Variants in MAPKAP1 observed in about 807,000 individuals in gnomAD.
MAPKAP1 encodes the protein target of rapamycin complex 2 subunit MAPKAP1.
A neutral mutation model predicts 65.7 loss-of-function variants in MAPKAP1; 20 were observed. The ratio of observed to expected loss-of-function variants is 0.30; its 90% CI spans 0.21 to 0.44. MAPKAP1 has a LOEUF of 0.44. Ranked by LOEUF, MAPKAP1 falls within the 20% of genes least tolerant of loss-of-function variation. MAPKAP1 has a pLI of 1.00. For missense variants in MAPKAP1, 423 were observed against 648.0 expected, an observed-to-expected ratio of 0.65 and a Z score of 3.77; for synonymous variants, 222 against 244.3, an observed-to-expected ratio of 0.91 and a Z score of 0.85.
At chr9:125,487,123 G>GTT (rs933003665) in intron 8 of MAPKAP1, among the ~76,000 whole-genome samples, 20 of 152,116 alleles carry the variant, frequency 1.3e-4, no homozygotes, top group African/African-American at 4.6e-4. Context: ...GGAAGGTGAG[G>GTT]GTCAAAGAGA....
chr9:125,657,558 C>A, intron 4 of MAPKAP1, 93 bp downstream of exon 4: 2 of 1,153,048 alleles, frequency 1.7e-6, no homozygotes, highest in Non-Finnish European at 2.5e-6. Flanking sequence ...TTCTACAAAG[C>A]ATTTCTGAAA....
chr9:125,585,890 A>AT (rs921368189), intron 4 of MAPKAP1, among the ~76,000 whole-genome samples, 163 bp from the exon 5 acceptor site: 4 of 151,990 alleles, frequency 2.6e-5, no homozygotes, highest in African/African-American at 9.7e-5. Context: ...AGTTTCAAGG[A>AT]TTTTTTTTCC....
intron 3 of MAPKAP1, 40 bp downstream of exon 3, chr9:125,669,778 T>C (rs755527187): frequency 9.1e-6 from 10 of 1,093,362 alleles, no homozygotes; most frequent in Admixed American, 8.5e-5. Context: ...AAACTAAATA[T>C]ATAAATCTCA....
At chr9:125,701,416 T>G (rs1375868294) in intron 1 of MAPKAP1, among the ~76,000 whole-genome samples, 3 of 152,218 alleles carry the variant, frequency 2.0e-5, no homozygotes, top group African/African-American at 7.2e-5. Context: ...CGAGGATTTG[T>G]AAGTGACGTG....
chr9:125,482,945 T>C (rs1010968973), intron 9 of MAPKAP1, among the ~76,000 whole-genome samples: 3 of 152,104 alleles, frequency 2.0e-5, no homozygotes, highest in Admixed American at 6.5e-5. Context: ...ATCCTCACAG[T>C]TGAAAAATTA....
chr9:125,601,952 C>T (rs2131612037), intron 4 of MAPKAP1, among the ~76,000 whole-genome samples: 1 of 152,310 alleles, frequency 6.6e-6, no homozygotes, highest in East Asian at 1.9e-4. Flanking sequence ...GCATTTAACA[C>T]AGTTTGCAAA....
chr9:125,527,846 T>C (rs1198958208), intron 7 of MAPKAP1, among the ~76,000 whole-genome samples: 2 of 152,208 alleles, frequency 1.3e-5, no homozygotes, highest in Non-Finnish European at 2.9e-5. Context: ...TCAACGGATA[T>C]GCATCGCCTT....
At chr9:125,553,126 C>T (rs751919831) in intron 6 of MAPKAP1, among the ~76,000 whole-genome samples, 15 of 152,110 alleles carry the variant, frequency 9.9e-5, no homozygotes, top group Non-Finnish European at 1.8e-4. Context: ...GGCCCCTCCT[C>T]ACTCCTCATC....
intron 8 of MAPKAP1, among the ~76,000 whole-genome samples, chr9:125,492,917 G>A (rs944712860): frequency 1.3e-5 from 2 of 152,198 alleles, no homozygotes; most frequent in Admixed American, 1.3e-4. Flanking sequence ...CTGTGCTAGT[G>A]CTTCCGGAAT....
At chr9:125,693,844 C>CAT (rs140049996) in intron 1 of MAPKAP1, among the ~76,000 whole-genome samples, 4,631 of 133,334 alleles carry the variant, frequency 0.035, 311 homozygotes, top group African/African-American at 0.14. Context: ...TATATACACA[C>CAT]ATACACACAC....
intron 1 of MAPKAP1, among the ~76,000 whole-genome samples, chr9:125,697,266 T>C (rs1215510546): frequency 6.6e-6 from 1 of 152,222 alleles, no homozygotes; most frequent in Non-Finnish European, 1.5e-5. Flanking sequence ...TCACCTGCAT[T>C]AGTGAAAACT....
Position 125,541,583 on chromosome 9 carries a change from C to A in MAPKAP1, c.958+1476G>T, listed in dbSNP as rs117963487. Among the ~76,000 whole-genome samples the A allele has an allele frequency of 6.6e-5, 10 of 152,298 alleles. No individual in the cohort carries two copies. The East Asian group carries it at 1.2e-3, about 18-fold the overall frequency. ...TGTTTAAAAGCTATTAGATTGGCACCTGGAACCCCAAAATATCCACTTTTC... is the reference window on the plus strand; with the variant it reads ...TGTTTAAAAGCTATTAGATTGGCACATGGAACCCCAAAATATCCACTTTTC... On this transcript the variant is annotated intron_variant, in intron 7 of 11. Coordinates refer to ENST00000265960, the MANE Select transcript of MAPKAP1 (RefSeq NM_001006617.3).
At chr9:125,620,380 G>A (rs1832861458) in intron 4 of MAPKAP1, among the ~76,000 whole-genome samples, 2 of 152,228 alleles carry the variant, frequency 1.3e-5, no homozygotes, top group Admixed American at 1.3e-4. Flanking sequence ...CAAGGCTATG[G>A]AGAAACAGGC....
intron 11 of MAPKAP1, among the ~76,000 whole-genome samples, chr9:125,443,701 C>G (rs796419495): frequency 1.2e-4 from 17 of 143,444 alleles, no homozygotes; most frequent in South Asian, 7.0e-4. Flanking sequence ...CGCCAGCTCC[C>G]CCAGCCCCCC....
chr9:125,447,492 G>C lies in MAPKAP1; in HGVS notation c.1346-2894C>G, dbSNP rs1027677222. ...CAAGGAGTGATGAGCGGAACCCTGG[G>C]GGGCAAGGGCAGGTTAAGATCAGCA... On this transcript the variant is annotated intron_variant, in intron 10 of 11. Coordinates refer to ENST00000265960, the MANE Select transcript of MAPKAP1 (RefSeq NM_001006617.3). This position sits in a 1 kb window ranked among gnomAD's most constrained non-coding sequence, Gnocchi z 4.5. 2 of 456,590 alleles carry C rather than the reference G, an allele frequency of 4.4e-6. No homozygotes were observed. The highest frequency in any genetic ancestry group is 8.8e-6 in the Non-Finnish European group (2 of 226,966). 28.3% of individuals were successfully genotyped at this position (456,590 alleles called of 1,614,324 possible).
At position 125,658,487 on chromosome 9, in the gene MAPKAP1, C is replaced by T. The variant is rs139754243; in HGVS notation, c.350-688G>A. 9.3e-4 allele frequency among the ~76,000 whole-genome samples: 142 copies of T among 152,228 alleles called. 1 individual carries two copies. Among genetic ancestry groups the T allele is most frequent in the Non-Finnish European group, 1.9e-3 (126 of 68,018 alleles). ...GATACTAGCGTTATCTCAGATTTGT[C>T]AATGTGGAAACAAGCTTAGAATATT... is the stretch of plus-strand genomic sequence containing the variant. On this transcript the variant is annotated intron_variant, in intron 3 of 11. Coordinates refer to ENST00000265960, the MANE Select transcript of MAPKAP1 (RefSeq NM_001006617.3).
intron 4 of MAPKAP1, among the ~76,000 whole-genome samples, chr9:125,633,672 TA>T (rs1245213667): frequency 1.3e-5 from 2 of 152,174 alleles, no homozygotes; most frequent in African/African-American, 2.4e-5. Flanking sequence ...TCAGTTAAAT[TA>T]AACCTGTATT....
chr9:125,595,907 C>A lies in MAPKAP1; in HGVS notation c.499-10180G>T, dbSNP rs1401433704. The A allele has an allele frequency of 4.1e-5, 51 of 1,253,086 alleles. No individual in the cohort carries two copies. Among genetic ancestry groups the A allele is most frequent in the Non-Finnish European group, 5.3e-5 (46 of 866,236 alleles). The allele number at this position is 1,253,086 out of a possible 1,614,324, so 77.6% of individuals were successfully genotyped here. On this transcript the variant is annotated intron_variant, in intron 4 of 11. Transcript: ENST00000265960. The surrounding 1 kb of genome is among the most constrained non-coding windows in gnomAD (Gnocchi z 4.0). ...GAATGCAAGGCCACACAAGGTGGAT[C>A]GGAGTTGTGGAACCAAAGAGAGCTG... is the stretch of plus-strand genomic sequence containing the variant.
At chr9:125,589,286 G>A (rs1340754051) in intron 4 of MAPKAP1, among the ~76,000 whole-genome samples, 3 of 152,182 alleles carry the variant, frequency 2.0e-5, no homozygotes, top group African/African-American at 7.2e-5. Context: ...CAATTGAGAT[G>A]ATTTATTTAT....
Sources: allele counts gnomAD v4.1 joint callset (sites outside exome capture counted in the v4.1 genomes callset), GRCh38; gene constraint gnomAD v4.1.1; non-coding constraint Gnocchi (gnomAD v3.1); transcripts MANE v1.5; gene names NCBI Gene and HGNC (gene_info 2026-07-23, HGNC 2026-07-21).